CNTN5: variants seen among roughly 807,000 people sequenced by gnomAD.
CNTN5 encodes contactin 5.
A neutral mutation model predicts 129.1 loss-of-function variants in CNTN5; 77 were observed. That is an observed-to-expected ratio of 0.60 (90% CI 0.50 to 0.72). The LOEUF is 0.72. Ranked by LOEUF, CNTN5 falls within the 30% of genes least tolerant of loss-of-function variation. The pLI is 0.00. For missense variants in CNTN5, 1,478 were observed against 1,328.8 expected (o/e 1.11, Z -1.75); for synonymous variants, 509 against 465.6 (o/e 1.09, Z -1.20).
chr11:99,662,551 T>C (rs554360905), intron 3 of CNTN5, among the ~76,000 whole-genome samples: 3 of 152,332 alleles, frequency 2.0e-5, no homozygotes, highest in East Asian at 1.9e-4. Flanking sequence ...TGCGGTGTTA[T>C]AATAAACACG....
At chr11:99,946,684 A>G (rs530987968) in intron 7 of CNTN5, among the ~76,000 whole-genome samples, 2 of 152,214 alleles carry the variant, frequency 1.3e-5, no homozygotes, top group Admixed American at 1.3e-4. Flanking sequence ...TATATTACAT[A>G]TATCTCTGAT....
intron 1 of CNTN5, among the ~76,000 whole-genome samples, chr11:99,229,876 G>C (rs185896550): frequency 4.6e-5 from 7 of 151,788 alleles, no homozygotes; most frequent in Non-Finnish European, 4.4e-5. Flanking sequence ...AAGAGTATCT[G>C]TCTATCTATC....
chr11:100,175,441 A>G (rs1199206186), intron 13 of CNTN5, among the ~76,000 whole-genome samples: 1 of 152,146 alleles, frequency 6.6e-6, no homozygotes, highest in African/African-American at 2.4e-5. Context: ...CAAAAAAGGA[A>G]TTTAAAGTGA....
chr11:100,268,370 A>G (rs1950345300), intron 17 of CNTN5, among the ~76,000 whole-genome samples: 1 of 152,190 alleles, frequency 6.6e-6, no homozygotes, highest in Admixed American at 6.6e-5. Flanking sequence ...TTATGAAAAT[A>G]ACACCCTGGA....
At chr11:99,934,305 T>C (rs1263963857) in intron 7 of CNTN5, among the ~76,000 whole-genome samples, 1 of 152,178 alleles carries the variant, frequency 6.6e-6, no homozygotes, top group Non-Finnish European at 1.5e-5. Flanking sequence ...TAACCCAGAG[T>C]TCAGCTATAT....
At chr11:99,564,088 T>C (rs1222670157) in intron 3 of CNTN5, among the ~76,000 whole-genome samples, 1 of 152,112 alleles carries the variant, frequency 6.6e-6, no homozygotes, top group Non-Finnish European at 1.5e-5. Context: ...TTTTAAAATT[T>C]ACTTATTTAT....
intron 9 of CNTN5, among the ~76,000 whole-genome samples, chr11:100,035,711 C>G (rs1941955364): frequency 6.7e-6 from 1 of 149,650 alleles, no homozygotes; most frequent in African/African-American, 2.5e-5. Context: ...TTGCATTTCT[C>G]TGATGGCCAG....
chr11:99,887,089 TTGA>T (rs1425537031), intron 6 of CNTN5, among the ~76,000 whole-genome samples: 1 of 152,186 alleles, frequency 6.6e-6, no homozygotes, highest in African/African-American at 2.4e-5. Flanking sequence ...ATACATGATT[TTGA>T]TGATAATATT....
At chr11:100,036,185 T>C (rs1287647045) in intron 9 of CNTN5, among the ~76,000 whole-genome samples, 1 of 152,188 alleles carries the variant, frequency 6.6e-6, no homozygotes, top group Admixed American at 6.5e-5. Flanking sequence ...TTTCTACATA[T>C]GGCTAGCCAG....
At chr11:99,778,768 GAAAT>G (rs543957310) in intron 3 of CNTN5, among the ~76,000 whole-genome samples, 2 of 151,700 alleles carry the variant, frequency 1.3e-5, no homozygotes, top group African/African-American at 2.4e-5. Context: ...ATTTTGGTAA[GAAAT>G]AAAAAGTGAG....
intron 18 of CNTN5, among the ~76,000 whole-genome samples, chr11:100,292,925 C>T (rs143771460): frequency 3.3e-5 from 5 of 151,984 alleles, no homozygotes; most frequent in African/African-American, 1.2e-4. Context: ...CTTCTGACAC[C>T]TACAAAGGAT....
At chr11:99,954,453 G>A (rs991773218) in intron 7 of CNTN5, among the ~76,000 whole-genome samples, 4 of 152,062 alleles carry the variant, frequency 2.6e-5, no homozygotes, top group African/African-American at 9.7e-5. Flanking sequence ...GTTTACCACC[G>A]AATAAGATCG....
chr11:100,055,515 A>G (rs988318997), intron 9 of CNTN5, among the ~76,000 whole-genome samples: 2 of 151,442 alleles, frequency 1.3e-5, no homozygotes, highest in African/African-American at 4.8e-5. Flanking sequence ...TGATATCTTT[A>G]TCTCCTTTTT....
intron 2 of CNTN5, among the ~76,000 whole-genome samples, chr11:99,534,725 G>A (rs1004101379): frequency 6.6e-6 from 1 of 152,166 alleles, no homozygotes; most frequent in African/African-American, 2.4e-5. Context: ...ACTAATAAAT[G>A]TGTAATGCCA....
At chr11:99,454,738 GT>G (rs1944434388) in intron 2 of CNTN5, among the ~76,000 whole-genome samples, 1 of 152,120 alleles carries the variant, frequency 6.6e-6, no homozygotes, top group African/African-American at 2.4e-5. Flanking sequence ...TATCTCAGTT[GT>G]TTTGCTGTGT....
At chr11:99,940,129 G>T (rs1028094081) in intron 7 of CNTN5, among the ~76,000 whole-genome samples, 1 of 152,100 alleles carries the variant, frequency 6.6e-6, no homozygotes, top group African/African-American at 2.4e-5. Flanking sequence ...GTGAAGGTCA[G>T]TGACGCTAAT....
intron 7 of CNTN5, among the ~76,000 whole-genome samples, chr11:99,953,962 T>G (rs2136158435): frequency 6.6e-6 from 1 of 152,324 alleles, no homozygotes; most frequent in African/African-American, 2.4e-5. Context: ...TCTAGGGTTT[T>G]TATGGCTTTA....
At chr11:99,889,325 TGTGTGTGTGTGTGTG>T (rs1948991240) in intron 6 of CNTN5, among the ~76,000 whole-genome samples, 5 of 113,176 alleles carry the variant, frequency 4.4e-5, no homozygotes, top group African/African-American at 1.2e-4. Flanking sequence ...TGTGTGTGTG[TGTGTGTGTGTGTGTG>T]TGTGTGTGTG....
At chr11:99,838,169 A>G (rs1591286224) in intron 4 of CNTN5, among the ~76,000 whole-genome samples, 1 of 152,234 alleles carries the variant, frequency 6.6e-6, no homozygotes, top group African/African-American at 2.4e-5. Context: ...CTTTATCTTC[A>G]GACAATAATC....
Sources: allele counts gnomAD v4.1 joint callset (sites outside exome capture counted in the v4.1 genomes callset), GRCh38; gene constraint gnomAD v4.1.1; transcripts MANE v1.5; gene names NCBI Gene and HGNC (gene_info 2026-07-23, HGNC 2026-07-21).